DNAH10: variants seen among roughly 807,000 people sequenced by gnomAD.
DNAH10 encodes axonemal beta dynein heavy chain 10.
Under a neutral mutation model 506.6 loss-of-function variants are expected in DNAH10, and 348 were observed. The ratio of observed to expected loss-of-function variants is 0.69; its 90% CI spans 0.63 to 0.75. The LOEUF is 0.75. Among genes scored for constraint, DNAH10 ranks in the 30% least tolerant of loss-of-function variants. The pLI, the probability that DNAH10 is intolerant of heterozygous loss-of-function variation, is 0.00. For synonymous variants in DNAH10, 2,059 were observed against 2,198.6 expected, an observed-to-expected ratio of 0.94 and a Z score of 1.78; for missense variants, 5,179 against 5,787.1, an observed-to-expected ratio of 0.89 and a Z score of 3.41.
rs1390155867 is a variant in DNAH10, at chr12:123,785,422, A to T, written c.1231-324A>T. Among the ~76,000 whole-genome samples, 1 of 152,158 alleles carries T rather than the reference A, an allele frequency of 6.6e-6. No homozygotes were observed. Among genetic ancestry groups the T allele is most frequent in the African/African-American group, 2.4e-5 (1 of 41,432 alleles). On this transcript the variant is annotated intron_variant, in intron 8 of 78. Coordinates refer to ENST00000673944, the MANE Select transcript of DNAH10 (RefSeq NM_001372106.1). This position sits in a 1 kb window ranked among gnomAD's most constrained non-coding sequence, Gnocchi z 4.1. ...ATTTGAGTTATTATTATAAGAGATT[A>T]AAAAAAGTCTGCTCACCTGGGCAAC...
At chr12:123,896,132 CACACACACACACACACAGAGAGAGAG>C (rs1435114304) in intron 54 of DNAH10, among the ~76,000 whole-genome samples, 1 of 109,706 alleles carries the variant, frequency 9.1e-6, no homozygotes, top group African/African-American at 5.2e-5. Context: ...CACACACACA[CACACACACACACACACAGAGAGAGAG>C]AGAGAGAGAG....
intron 51 of DNAH10, among the ~76,000 whole-genome samples, chr12:123,886,873 G>A (rs1215990724): frequency 6.6e-6 from 1 of 152,176 alleles, no homozygotes; most frequent in African/African-American, 2.4e-5. Flanking sequence ...TTCCCACAGG[G>A]TCTGATTTTC....
At position 123,931,802 on chromosome 12, in the gene DNAH10, C is replaced by T. The variant is rs747320669; in HGVS notation, c.13083C>T (p.Asn4361=). The change falls in exon 75 of 79, where the codon AAC becomes AAT. Residue 4361 remains asparagine, a synonymous_variant. Coordinates refer to ENST00000673944, the MANE Select transcript of DNAH10 (RefSeq NM_001372106.1). The stretch of plus-strand genomic sequence containing the variant: ...TCCTGCAGGAACTGGAACGCTTCAA[C>T]AAGCTTGTGGTCCGGATGACGAAGT... ...VVLLQELERF[N]KLVVRMTKSL... 6.2e-7 allele frequency: 1 copy of T among 1,614,082 alleles called. No homozygotes were observed. Among genetic ancestry groups the T allele is most frequent in the Non-Finnish European group, 8.5e-7 (1 of 1,179,912 alleles).
At position 123,935,435 on chromosome 12, in the gene DNAH10, C is replaced by G; in HGVS notation, c.13724C>G (p.Ser4575Cys). 1 of 1,609,044 alleles carries G rather than the reference C, an allele frequency of 6.2e-7. No individual in the cohort carries two copies. The highest frequency in any genetic ancestry group is 8.5e-7 in the Non-Finnish European group (1 of 1,175,660). The part of the protein sequence containing the change: ...EADLFTTRHI[S>C]HWVLQGVCLT... ...GATCTCTTTACCACGAGGCACATTT[C>G]TCACTGGGTGCTGCAAGGAGTATGC... The change falls in exon 79 of 79, where the codon TCT becomes TGT. Residue 4575 changes from serine to cysteine, a missense_variant. Ser to Cys is a moderately radical substitution (Grantham distance 112, BLOSUM62 -1). Transcript: ENST00000673944.
chr12:123,809,472 C>T (rs763375759), intron 19 of DNAH10, among the ~76,000 whole-genome samples: 1 of 151,996 alleles, frequency 6.6e-6, no homozygotes, highest in Non-Finnish European at 1.5e-5. Flanking sequence ...ATGGTGAGAC[C>T]CCCCCATCTC....
intron 30 of DNAH10, among the ~76,000 whole-genome samples, chr12:123,841,913 T>C (rs1221905447): frequency 6.6e-6 from 1 of 152,214 alleles, no homozygotes; most frequent in Non-Finnish European, 1.5e-5. Flanking sequence ...CTCAAACTCC[T>C]GGGCTCAAGT....
At chr12:123,828,421 T>C (rs911424702) in intron 25 of DNAH10, among the ~76,000 whole-genome samples, 8 of 152,174 alleles carry the variant, frequency 5.3e-5, no homozygotes, top group African/African-American at 1.9e-4. Flanking sequence ...TAAGAGTTTT[T>C]AAGGATTTAG....
chr12:123,795,062 C>T lies in DNAH10; in HGVS notation c.1986+950C>T, dbSNP rs138503975. On this transcript the variant is annotated intron_variant, in intron 12 of 78. Transcript: ENST00000673944. Reference sequence around the variant, plus strand: ...ACTCAGGAGGCTGAGGCAGGTGAGTCGCTTGAACCCGGGAAGTGGAGGTTG... The same window carrying T: ...ACTCAGGAGGCTGAGGCAGGTGAGTTGCTTGAACCCGGGAAGTGGAGGTTG... Among the ~76,000 whole-genome samples the T allele has an allele frequency of 1.8e-3, 260 of 146,938 alleles. 3 individuals carry two copies. The highest frequency in any genetic ancestry group is 6.1e-3 in the African/African-American group (241 of 39,614).
intron 5 of DNAH10, among the ~76,000 whole-genome samples, chr12:123,775,430 A>C (rs1479855335): frequency 1.3e-5 from 2 of 152,214 alleles, no homozygotes; most frequent in East Asian, 3.8e-4. Flanking sequence ...GACCAAAAAA[A>C]TGAAAAACTC....
chr12:123,898,673 G>A lies in DNAH10; in HGVS notation c.9499G>A (p.Gly3167Arg). The change falls in exon 56 of 79, where the codon GGG (glycine) becomes AGG (arginine). Residue 3167 changes from glycine (G) to arginine (R), a missense_variant. Around this residue, in one of 3 missense-constraint regions of DNAH10, gnomAD observed 4,844 missense variants for 5,430.5 expected, o/e 0.89. Coordinates refer to ENST00000673944, the MANE Select transcript of DNAH10 (RefSeq NM_001372106.1). ...CTCAGCTCAGTGCAAGCGTCTGGAT[G>A]GGGGACTGGACAAGCTGAAGGAGGC... ...CNIAQCKRLD[G>R]GLDKLKEATI... 7 of 1,591,110 alleles carry A rather than the reference G, an allele frequency of 4.4e-6. No homozygotes were observed. Among genetic ancestry groups the A allele is most frequent in the Non-Finnish European group, 6.0e-6 (7 of 1,168,990 alleles).
chr12:123,898,861 C>A (rs760559886), intron 56 of DNAH10, 47 bp downstream of exon 56: 1 of 1,545,060 alleles, frequency 6.5e-7, no homozygotes, highest in South Asian at 1.3e-5. Flanking sequence ...CACCCAATAC[C>A]CACCGTAGGT....
intron 23 of DNAH10, among the ~76,000 whole-genome samples, chr12:123,819,702 T>G (rs79643710): frequency 0.011 from 1,472 of 138,672 alleles, 25 homozygotes; most frequent in African/African-American, 0.039. Flanking sequence ...AAAATTCTGT[T>G]TTTTTTTTTT....
At position 123,772,982 on chromosome 12, in the gene DNAH10, G is replaced by A. The variant is rs771062558; in HGVS notation, c.505+40G>A. On this transcript the variant is annotated intron_variant, in intron 4 of 78. Coordinates refer to ENST00000673944, the MANE Select transcript of DNAH10 (RefSeq NM_001372106.1). ...CGTGTGTGTGTATGTGTGTTGAGGGGGTGTGGTTGTGCATGCACTTGTTCA... is the reference window on the plus strand; with the variant it reads ...CGTGTGTGTGTATGTGTGTTGAGGGAGTGTGGTTGTGCATGCACTTGTTCA... 9.1e-6 allele frequency: 13 copies of A among 1,433,172 alleles called. No homozygotes were observed. The African/African-American group carries it at 1.6e-4, about 17-fold the overall frequency. 88.8% of individuals were successfully genotyped at this position (1,433,172 alleles called of 1,614,324 possible).
At chr12:123,900,924 C>A (rs915848034) in intron 56 of DNAH10, among the ~76,000 whole-genome samples, 2 of 152,146 alleles carry the variant, frequency 1.3e-5, no homozygotes, top group African/African-American at 2.4e-5. Flanking sequence ...CCTCAAAGCT[C>A]CCAGAGTTGG....
In DNAH10 at chr12:123,774,210, G is replaced by T; in HGVS notation, c.567G>T (p.Glu189Asp). 1 of 1,611,642 alleles carries T rather than the reference G, an allele frequency of 6.2e-7. No individual in the cohort carries two copies. Among genetic ancestry groups the T allele is most frequent in the Non-Finnish European group, 8.5e-7 (1 of 1,179,286 alleles). The change falls in exon 5 of 79, where the codon GAG becomes GAT. Residue 189 changes from glutamate (E) to aspartate (D), a missense_variant. Physicochemically the swap from Glu to Asp is conservative, Grantham distance 45 (BLOSUM62 2). Coordinates refer to ENST00000673944, the MANE Select transcript of DNAH10 (RefSeq NM_001372106.1). ...EAMEIMPETL[E>D]YGIINANVLH... is the part of the protein sequence containing the mutation. ...TGGAAATTATGCCAGAAACACTGGA[G>T]TATGGAATTATAAACGCTAATGTGC...
intron 37 of DNAH10, 85 bp from the exon 38 acceptor site, chr12:123,859,065 T>C: frequency 2.4e-6 from 3 of 1,249,896 alleles, no homozygotes; most frequent in South Asian, 2.7e-5. Context: ...AAAGGTAAAT[T>C]GTATGGCGTG....
Position 123,767,624 on chromosome 12 carries a change from C to A in DNAH10, c.233C>A (p.Ser78Tyr). The change falls in exon 2 of 79, where the codon TCT (serine) becomes TAT (tyrosine). Residue 78 changes from serine (S) to tyrosine (Y), a missense_variant. Ser to Tyr is a moderately radical substitution (Grantham distance 144, BLOSUM62 -2). Around this residue, in one of 3 missense-constraint regions of DNAH10, gnomAD observed 326 missense variants for 330.8 expected, o/e 0.99. Transcript: ENST00000673944. ...EVEIDEIPVL[S>Y]EEGEEEEETY... ...CATAAAGATGAGATACCTGTCCTGTCTGAAGAGGGAGAAGAGGAAGAAGAG... is the reference window on the plus strand; with the variant it reads ...CATAAAGATGAGATACCTGTCCTGTATGAAGAGGGAGAAGAGGAAGAAGAG... The A allele has an allele frequency of 1.2e-6, 2 of 1,612,672 alleles. No individual in the cohort carries two copies. Among genetic ancestry groups the A allele is most frequent in the South Asian group, 2.2e-5 (2 of 90,712 alleles).
rs565674862 is a variant in DNAH10 at position 123,820,505 on chromosome 12, T to C, written c.4001-75T>C. 2.0e-5 allele frequency: 28 copies of C among 1,401,950 alleles called. No homozygotes were observed. In the African/African-American group the frequency reaches 3.3e-4, roughly 17 times the overall value. 86.8% of individuals were successfully genotyped at this position (1,401,950 alleles called of 1,614,324 possible). ...GGATGAAATTATAATTGAGATACAT[T>C]ATGCATGATTTCTTATTCAATTTTG... On this transcript the variant is annotated intron_variant, in intron 23 of 78. Coordinates refer to ENST00000673944, the MANE Select transcript of DNAH10 (RefSeq NM_001372106.1).
chr12:123,908,166 C>G (rs550941678), intron 57 of DNAH10: 6 of 360,878 alleles, frequency 1.7e-5, no homozygotes, highest in African/African-American at 1.3e-4. Context: ...CTCCCTGTCT[C>G]CTCCCTGTCT....
Sources: gnomAD v4.1 joint callset for allele counts (sites outside exome capture counted in the v4.1 genomes callset) on GRCh38, gnomAD v4.1.1 for gene constraint, gnomAD v4.1.1 regional missense constraint, Gnocchi (gnomAD v3.1) non-coding constraint, MANE v1.5 for transcripts, NCBI Gene and HGNC (gene_info 2026-07-23, HGNC 2026-07-21) for gene names.